The following RSRC1 variants were observed in gnomAD, a reference collection of about 807,000 sequenced individuals.
The protein encoded by RSRC1 is arginine and serine rich coiled-coil 1.
RSRC1 carries 39 observed loss-of-function variants against 49.1 expected under a neutral mutation model. That is an observed-to-expected ratio of 0.79 (90% CI 0.61 to 1.04). The LOEUF (loss-of-function observed/expected upper bound fraction) is 1.04, where lower values mean the gene tolerates loss of function less well. Among genes scored for constraint, RSRC1 ranks in the 50% least tolerant of loss-of-function variants. The probability of loss-of-function intolerance (pLI) is 0.00; values close to 1 mark genes in which losing one functional copy is unlikely to be tolerated. For synonymous variants in RSRC1, 143 were observed against 130.8 expected (o/e 1.09, Z -0.63); for missense variants, 388 against 402.4 (o/e 0.96, Z 0.31).
rs542487766 is a variant in RSRC1 at position 158,315,235 on chromosome 3, A to T, written c.531+17160A>T. Among the ~76,000 whole-genome samples, 5 of 152,308 alleles carry T rather than the reference A, an allele frequency of 3.3e-5. No individual in the cohort carries two copies. The East Asian group carries it at 9.6e-4, about 29-fold the overall frequency. On this transcript the variant is annotated intron_variant, in intron 5 of 9. Coordinates refer to ENST00000611884, the MANE Select transcript of RSRC1 (RefSeq NM_001271838.2). ...GGTTGGAGTACATGCACATATATGC[A>T]CACACAGACACTCATCTAGTCTTTA...
At chr3:158,339,037 A>C (rs1281904712) in intron 5 of RSRC1, among the ~76,000 whole-genome samples, 2 of 152,140 alleles carry the variant, frequency 1.3e-5, no homozygotes, top group African/African-American at 4.8e-5. Flanking sequence ...TCACGCCTGT[A>C]ATCCCAGCAC....
At chr3:158,126,816 T>C (rs1436314182) in intron 3 of RSRC1, among the ~76,000 whole-genome samples, 1 of 152,198 alleles carries the variant, frequency 6.6e-6, no homozygotes, top group Non-Finnish European at 1.5e-5. Flanking sequence ...AGATTTGATT[T>C]GTCTTTTGTT....
intron 6 of RSRC1, among the ~76,000 whole-genome samples, chr3:158,384,403 A>C (rs1023506151): frequency 6.6e-6 from 1 of 152,172 alleles, no homozygotes; most frequent in Non-Finnish European, 1.5e-5. Flanking sequence ...ATTGTGCCTC[A>C]GAACTTGGGA....
At chr3:158,421,203 G>T (rs1201489442) in intron 6 of RSRC1, among the ~76,000 whole-genome samples, 1 of 151,870 alleles carries the variant, frequency 6.6e-6, no homozygotes, top group East Asian at 1.9e-4. Flanking sequence ...TGACTCATAA[G>T]GAGTAAGATG....
intron 7 of RSRC1, among the ~76,000 whole-genome samples, chr3:158,527,842 A>G (rs1712138813): frequency 6.6e-6 from 1 of 152,008 alleles, no homozygotes; most frequent in South Asian, 2.1e-4. Context: ...TCCCTAATTC[A>G]TTATAAAAAG....
At chr3:158,382,684 A>G (rs1181531920) in intron 6 of RSRC1, among the ~76,000 whole-genome samples, 1 of 152,190 alleles carries the variant, frequency 6.6e-6, no homozygotes, top group Non-Finnish European at 1.5e-5. Flanking sequence ...GCCAGTTTGA[A>G]TAACAAATTT....
chr3:158,244,364 A>C (rs1295069017), intron 4 of RSRC1, among the ~76,000 whole-genome samples: 1 of 152,178 alleles, frequency 6.6e-6, no homozygotes, highest in South Asian at 2.1e-4. Flanking sequence ...CCTTCTCTGC[A>C]TCTATTGAGA....
chr3:158,166,745 T>C (rs906245725), intron 3 of RSRC1, among the ~76,000 whole-genome samples: 4 of 152,206 alleles, frequency 2.6e-5, no homozygotes, highest in South Asian at 4.1e-4. Context: ...ACAAATGGAT[T>C]GAACTGTTTA....
At chr3:158,430,076 A>AAAAATAAAATAAAATAAAAT (rs59953349) in intron 6 of RSRC1, among the ~76,000 whole-genome samples, 7 of 149,558 alleles carry the variant, frequency 4.7e-5, no homozygotes, top group African/African-American at 1.7e-4. Flanking sequence ...CACACACAAA[A>AAAAATAAAATAAAATAAAAT]AAAATAAAAT....
chr3:158,530,066 C>G (rs1430978550), intron 7 of RSRC1, among the ~76,000 whole-genome samples: 1 of 151,858 alleles, frequency 6.6e-6, no homozygotes, highest in African/African-American at 2.4e-5. Context: ...CCTGGCACAC[C>G]ACAGGTTTAC....
chr3:158,382,075 TA>T (rs1411792869), intron 6 of RSRC1, among the ~76,000 whole-genome samples: 3 of 152,244 alleles, frequency 2.0e-5, no homozygotes, highest in African/African-American at 2.4e-5. Context: ...TTAAAAACTT[TA>T]AAAAAAATTT....
intron 7 of RSRC1, among the ~76,000 whole-genome samples, chr3:158,477,768 C>T (rs1344839992): frequency 8.0e-6 from 1 of 124,882 alleles, no homozygotes; most frequent in Non-Finnish European, 1.6e-5. Flanking sequence ...AACCGTGGAG[C>T]ATGGTGATGG....
intron 5 of RSRC1, among the ~76,000 whole-genome samples, chr3:158,300,893 T>G (rs1727506492): frequency 6.6e-6 from 1 of 152,158 alleles, no homozygotes; most frequent in South Asian, 2.1e-4. Flanking sequence ...CCTGTTTTTG[T>G]GCTATATGTT....
chr3:158,438,892 T>A (rs1375321307), intron 6 of RSRC1, among the ~76,000 whole-genome samples: 2 of 151,854 alleles, frequency 1.3e-5, no homozygotes, highest in Non-Finnish European at 2.9e-5. Flanking sequence ...ACCTACAGAA[T>A]AGGAAAATTT....
At chr3:158,122,834 G>T (rs1715367368) in intron 2 of RSRC1, among the ~76,000 whole-genome samples, 1 of 152,012 alleles carries the variant, frequency 6.6e-6, no homozygotes, top group South Asian at 2.1e-4. Flanking sequence ...GCGGTGTTTG[G>T]TTTTTTGTCC....
At chr3:158,314,869 T>TA (rs1429372969) in intron 5 of RSRC1, among the ~76,000 whole-genome samples, 31 of 152,088 alleles carry the variant, frequency 2.0e-4, no homozygotes, top group Admixed American at 2.0e-3. Context: ...CCGTCTCTAC[T>TA]AAAAATACAA....
chr3:158,342,151 G>C (rs1272399146), intron 5 of RSRC1, among the ~76,000 whole-genome samples: 1 of 152,154 alleles, frequency 6.6e-6, no homozygotes, highest in Non-Finnish European at 1.5e-5. Context: ...TGGACTTTTG[G>C]GTTAATGCTG....
chr3:158,229,401 TAC>T (rs1216539740), intron 4 of RSRC1, among the ~76,000 whole-genome samples: 3 of 146,512 alleles, frequency 2.0e-5, no homozygotes, highest in South Asian at 4.3e-4. Flanking sequence ...TATATACACA[TAC>T]ACACGTATAT....
chr3:158,344,164 CAGG>C (rs1730418850), intron 5 of RSRC1, among the ~76,000 whole-genome samples: 1 of 152,224 alleles, frequency 6.6e-6, no homozygotes, highest in Non-Finnish European at 1.5e-5. Context: ...AAGGCTGAGG[CAGG>C]AGAATTGCTT....
Sources: gnomAD v4.1 joint callset for allele counts (sites outside exome capture counted in the v4.1 genomes callset) on GRCh38, gnomAD v4.1.1 for gene constraint, MANE v1.5 for transcripts, NCBI Gene and HGNC (gene_info 2026-07-23, HGNC 2026-07-21) for gene names.